Variants in RPS3 observed in about 807,000 individuals in gnomAD.
The protein encoded by RPS3 is ribosomal protein S3.
RPS3 carries 2 observed loss-of-function variants against 25.8 expected under a neutral mutation model. The observed-to-expected ratio is 0.08, with a 90% confidence interval of 0.03 to 0.24. RPS3 has a LOEUF of 0.24. Ranked by LOEUF, RPS3 falls within the 10% of genes least tolerant of loss-of-function variation. RPS3 has a pLI of 1.00. For synonymous variants in RPS3, 114 were observed against 114.2 expected, an observed-to-expected ratio of 1.00 and a Z score of 0.01; for missense variants, 107 against 307.1, an observed-to-expected ratio of 0.35 and a Z score of 4.87.
exon 7 of RPS3, chr11:75,422,034 T>C (rs1238316948): frequency 6.6e-6 from 1 of 152,420 alleles, no homozygotes. Flanking sequence ...CAGAACCCAA[T>C]ACCCAAAGCG....
intron 1 of RPS3, 198 bp downstream of exon 1, chr11:75,399,775 A>T: frequency 1.7e-6 from 1 of 581,024 alleles, no homozygotes; most frequent in Non-Finnish European, 3.1e-6. Flanking sequence ...CCGGGTTCCA[A>T]GTGAAGCGCA....
At chr11:75,416,460 A>ATTTTTT (rs1180090052) in intron 6 of RPS3, among the ~76,000 whole-genome samples, 3 of 132,806 alleles carry the variant, frequency 2.3e-5, no homozygotes, top group African/African-American at 5.7e-5. Flanking sequence ...GATTATTTCT[A>ATTTTTT]TTTTTTTTTT....
chr11:75,419,207 G>A (rs979921132), intron 6 of RPS3, among the ~76,000 whole-genome samples: 1 of 152,124 alleles, frequency 6.6e-6, no homozygotes, highest in Non-Finnish European at 1.5e-5. Context: ...AATCCTTTCT[G>A]TAGAATGATT....
chr11:75,414,516 CAGG>C (rs748303581), intron 6 of RPS3, among the ~76,000 whole-genome samples: 2 of 151,880 alleles, frequency 1.3e-5, no homozygotes, highest in Non-Finnish European at 2.9e-5. Flanking sequence ...GAGGCTGAGG[CAGG>C]AGAATGGCAT....
chr11:75,413,329 T>C (rs1948372929), intron 6 of RPS3, among the ~76,000 whole-genome samples: 1 of 152,104 alleles, frequency 6.6e-6, no homozygotes, highest in Non-Finnish European at 1.5e-5. Context: ...CGATCTCAGC[T>C]CACTGCAAGC....
Position 75,399,526 on chromosome 11 carries a change from T to C in RPS3, c.-22T>C. 12 of 1,613,882 alleles carry C rather than the reference T, an allele frequency of 7.4e-6. No homozygotes were observed. Among genetic ancestry groups the C allele is most frequent in the Non-Finnish European group, 1.0e-5 (12 of 1,179,876 alleles). On this transcript the variant is annotated 5_prime_UTR_variant, in exon 1 of 7. Transcript: ENST00000531188. ...CCGCCCGCGAGCCACTTCCTTTCCT[T>C]TCAGCGGAGCGCGGCGGCAAGATGG... is the stretch of plus-strand genomic sequence containing the variant.
chr11:75,408,067 G>A (rs1244814771), downstream of RPS3, among the ~76,000 whole-genome samples: 1 of 152,230 alleles, frequency 6.6e-6, no homozygotes, highest in Non-Finnish European at 1.5e-5. Context: ...ACCACTAGGT[G>A]GTGCTGTGAC....
At chr11:75,416,957 A>T (rs1394257159) in intron 6 of RPS3, among the ~76,000 whole-genome samples, 1 of 152,156 alleles carries the variant, frequency 6.6e-6, no homozygotes, top group Admixed American at 6.5e-5. Flanking sequence ...TTTTCCTTAT[A>T]ACACCCAGAC....
At chr11:75,405,390 C>CT (rs1948271930) in intron 6 of RPS3, 2 of 307,032 alleles carry the variant, frequency 6.5e-6, no homozygotes, top group South Asian at 2.9e-5. Flanking sequence ...CTGTAAAACA[C>CT]TAACAAGCCT....
At chr11:75,403,363 A>T (rs992401810) in intron 4 of RPS3, 2 of 152,264 alleles carry the variant, frequency 1.3e-5, no homozygotes, top group East Asian at 3.8e-4. Flanking sequence ...GGGATCTGTT[A>T]TCTTCTAAGG....
intron 6 of RPS3, among the ~76,000 whole-genome samples, chr11:75,418,280 T>A (rs914324401): frequency 4.6e-5 from 7 of 151,774 alleles, no homozygotes; most frequent in Non-Finnish European, 1.0e-4. Flanking sequence ...GTGTCCTAAT[T>A]CTTACTTTGT....
chr11:75,401,378 G>C (rs1365938873), intron 2 of RPS3, among the ~76,000 whole-genome samples: 2 of 152,112 alleles, frequency 1.3e-5, no homozygotes. Context: ...GCATGCATGT[G>C]GTCCCACCTA....
At chr11:75,410,336 C>T (rs1666461593), downstream of RPS3, among the ~76,000 whole-genome samples, 1 of 151,780 alleles carries the variant, frequency 6.6e-6, no homozygotes, top group African/African-American at 2.4e-5. Flanking sequence ...AGAGGCGCTC[C>T]TCACATCCCA....
chr11:75,421,586 G>A (rs764011354), intron 6 of RPS3: 1 of 152,272 alleles, frequency 6.6e-6, no homozygotes, highest in Non-Finnish European at 1.5e-5. Flanking sequence ...TTGGACACCT[G>A]ACAGATTCAG....
intron 6 of RPS3, among the ~76,000 whole-genome samples, chr11:75,416,656 C>A (rs145191148): frequency 0.016 from 2,444 of 152,086 alleles, 49 homozygotes; most frequent in Non-Finnish European, 0.018. Flanking sequence ...CGGGGTTTCA[C>A]CATGTTGGCC....
chr11:75,409,226 C>T (rs567744892), downstream of RPS3, among the ~76,000 whole-genome samples: 2,571 of 144,628 alleles, frequency 0.018, 81 homozygotes, highest in African/African-American at 0.061. Flanking sequence ...TTGGGTGTTT[C>T]TCGCAGAGGG....
At chr11:75,415,120 G>T (rs572993067) in intron 6 of RPS3, among the ~76,000 whole-genome samples, 1 of 152,196 alleles carries the variant, frequency 6.6e-6, no homozygotes, top group East Asian at 1.9e-4. Context: ...CTGCTGTGGT[G>T]GTGAGGCGAG....
At chr11:75,399,811 C>T in intron 1 of RPS3, 1 of 562,690 alleles carries the variant, frequency 1.8e-6, no homozygotes, top group Non-Finnish European at 3.1e-6. Context: ...GGCGCCCCTT[C>T]TGTCCCGGAG....
downstream of RPS3, among the ~76,000 whole-genome samples, chr11:75,411,050 G>T (rs371909574): frequency 6.6e-6 from 1 of 151,902 alleles, no homozygotes; most frequent in Non-Finnish European, 1.5e-5. Flanking sequence ...CTAGTTTTTT[G>T]TATTTTTCGT....
Sources: gnomAD v4.1 joint callset for allele counts (sites outside exome capture counted in the v4.1 genomes callset) on GRCh38, gnomAD v4.1.1 for gene constraint, MANE v1.5 for transcripts, NCBI Gene and HGNC (gene_info 2026-07-23, HGNC 2026-07-21) for gene names.